The following GNAS variants were observed in gnomAD, a reference collection of about 807,000 sequenced individuals.
The protein encoded by GNAS is GNAS complex locus, also known as protein ALEX.
GNAS carries 8 observed loss-of-function variants against 54.5 expected under a neutral mutation model. The ratio of observed to expected loss-of-function variants is 0.15; its 90% CI spans 0.09 to 0.26. The LOEUF is 0.26. Ranked by LOEUF, GNAS falls within the 10% of genes least tolerant of loss-of-function variation. The probability of loss-of-function intolerance (pLI) is 1.00; values close to 1 mark genes in which losing one functional copy is unlikely to be tolerated. For missense variants in GNAS, 170 were observed against 529.8 expected (o/e 0.32, Z 6.67); for synonymous variants, 204 against 191.4 (o/e 1.07, Z -0.54).
chr20:58,909,900 T>C lies in GNAS; in HGVS notation c.840-51T>C. On this transcript the variant is annotated intron_variant, in intron 10 of 12. Coordinates refer to ENST00000371085, the MANE Select transcript of GNAS (RefSeq NM_000516.7). The surrounding 1 kb of genome is among the most constrained non-coding windows in gnomAD (Gnocchi z 7.3). ...ACCCCGTGCAAGCATTCCAGACCCC[T>C]GGCCGAAAGCGCGCTTCTCCCAAGC... The C allele has an allele frequency of 6.2e-7, 1 of 1,613,572 alleles. No individual in the cohort carries two copies. Among genetic ancestry groups the C allele is most frequent in the South Asian group, 1.1e-5 (1 of 91,060 alleles).
chr20:58,879,002 C>T (rs2088036240), intron 1 of GNAS, among the ~76,000 whole-genome samples: 1 of 152,036 alleles, frequency 6.6e-6, no homozygotes, highest in Non-Finnish European at 1.5e-5. Context: ...TTTTCAGCAT[C>T]AGAATAAGTA....
intron 1 of GNAS, chr20:58,882,944 G>C (rs985997401): frequency 6.6e-6 from 1 of 151,948 alleles, no homozygotes; most frequent in African/African-American, 2.4e-5. Context: ...TGCTTCCTAC[G>C]ATCAGCAGCT....
At chr20:58,886,677 C>T (rs978682327), upstream of GNAS, among the ~76,000 whole-genome samples, 6 of 151,956 alleles carry the variant, frequency 3.9e-5, no homozygotes, top group Non-Finnish European at 8.8e-5. Flanking sequence ...AAAATCACAA[C>T]TTTTAGGGCC....
At chr20:58,889,435 AG>A (rs1234815250), upstream of GNAS, 4 of 913,412 alleles carry the variant, frequency 4.4e-6, no homozygotes, top group Non-Finnish European at 5.2e-6. Flanking sequence ...GGGACAAGGC[AG>A]GGGCGCCCGG....
rs2087628655 is a variant in GNAS, at chr20:58,873,967, G to A, written c.44-21645G>A. 6.6e-6 allele frequency among the ~76,000 whole-genome samples: 1 copy of A among 152,226 alleles called. No homozygotes were observed. Among genetic ancestry groups the A allele is most frequent in the Non-Finnish European group, 1.5e-5 (1 of 68,042 alleles). ...ACCAAATCAGAGGTTACCTAAAAGT[G>A]TCATGAGTGCTGATAATTAAACTGC... On this transcript the variant is annotated intron_variant, in intron 1 of 12. Transcript: ENST00000306090. The surrounding 1 kb of genome is among the most constrained non-coding windows in gnomAD (Gnocchi z 4.3).
rs1397755931 is a variant in GNAS at position 58,841,219 on chromosome 20, T to C, written c.43+333T>C. On this transcript the variant is annotated intron_variant, in intron 1 of 12. Transcript: ENST00000306090. This position sits in a 1 kb window ranked among gnomAD's most constrained non-coding sequence, Gnocchi z 5.0. Reference sequence around the variant, plus strand: ...TTTGGAGCTGCACACCCAAACGGCATTGGTAAGTCACTTGTTTTGCGCGCT... The same window carrying C: ...TTTGGAGCTGCACACCCAAACGGCACTGGTAAGTCACTTGTTTTGCGCGCT... 8.6e-6 allele frequency: 6 copies of C among 700,490 alleles called. No homozygotes were observed. The highest frequency in any genetic ancestry group is 5.8e-4 in the Middle Eastern group (1 of 1,736). 43.4% of individuals were successfully genotyped at this position (700,490 alleles called of 1,614,324 possible). A position where few individuals can be genotyped will look rare whatever the true frequency, so the allele number is the denominator to read the frequency against.
At chr20:58,871,683 A>G (rs1379053571) in intron 1 of GNAS, among the ~76,000 whole-genome samples, 1 of 149,640 alleles carries the variant, frequency 6.7e-6, no homozygotes, top group Admixed American at 6.7e-5. Context: ...GGAGGAAAAA[A>G]GAGGGAAAGG....
At chr20:58,860,677 T>G (rs1453502636) in intron 1 of GNAS, among the ~76,000 whole-genome samples, 1 of 152,114 alleles carries the variant, frequency 6.6e-6, no homozygotes, top group Non-Finnish European at 1.5e-5. Flanking sequence ...TGTTGTTGTT[T>G]TTAAGATGGA....
In GNAS at chr20:58,909,975, C is replaced by T. The variant is rs1348187982; in HGVS notation, c.864C>T (p.Ile288=). Residue 288 remains isoleucine, a synonymous_variant, in exon 11 of 13, where the codon ATC becomes ATT. Coordinates refer to ENST00000371085, the MANE Select transcript of GNAS (RefSeq NM_000516.7). This position sits in a 1 kb window ranked among gnomAD's most constrained non-coding sequence, Gnocchi z 7.3. Reference sequence around the variant, plus strand: ...GATGGCTGCGCACCATCTCTGTGATCCTGTTCCTCAACAAGCAAGATCTGC... The same window carrying T: ...GATGGCTGCGCACCATCTCTGTGATTCTGTTCCTCAACAAGCAAGATCTGC... ...NNRWLRTISV[I]LFLNKQDLLA... The T allele has an allele frequency of 2.5e-6, 4 of 1,613,766 alleles. No homozygotes were observed. The African/African-American group carries it at 5.3e-5, about 22-fold the overall frequency.
chr20:58,889,223 C>T (rs1454044023), upstream of GNAS: 21 of 1,078,538 alleles, frequency 1.9e-5, no homozygotes, highest in Non-Finnish European at 2.0e-5. Flanking sequence ...GGTGGCTGGC[C>T]GGCGCGGCGC....
chr20:58,891,240 AGCC>A (rs530801993), upstream of GNAS: 36 of 141,736 alleles, frequency 2.5e-4, no homozygotes, highest in Middle Eastern at 0.012. Context: ...CCGCCCTCCC[AGCC>A]GCCGCCGCCG....
intron 2 of GNAS, chr20:58,897,783 TAC>T (rs2090204549): frequency 1.3e-5 from 2 of 152,216 alleles, no homozygotes; most frequent in Non-Finnish European, 2.9e-5. Context: ...GGAGCCTAGA[TAC>T]CTTATTTTTA....
chr20:58,847,564 C>G (rs2145514368), intron 1 of GNAS, among the ~76,000 whole-genome samples: 1 of 152,350 alleles, frequency 6.6e-6, no homozygotes, highest in Admixed American at 6.5e-5. Flanking sequence ...TCTACCTTCT[C>G]TTTCTGCTTT....
intron 1 of GNAS, among the ~76,000 whole-genome samples, chr20:58,861,235 G>A (rs2086767788): frequency 6.6e-6 from 1 of 152,080 alleles, no homozygotes; most frequent in African/African-American, 2.4e-5. Context: ...ACCCACTCAC[G>A]CCATTTGCCC....
At chr20:58,851,011 C>A (rs932138053) in intron 1 of GNAS, 2 of 398,126 alleles carry the variant, frequency 5.0e-6, no homozygotes, top group Non-Finnish European at 8.8e-6. Context: ...GCGCTGGGGT[C>A]GGAGGGGAGT....
chr20:58,886,437 C>T (rs1048835283), upstream of GNAS, among the ~76,000 whole-genome samples: 1 of 152,112 alleles, frequency 6.6e-6, no homozygotes, highest in Non-Finnish European at 1.5e-5. Flanking sequence ...ATATTCTGCC[C>T]TTTGTCCCTC....
At chr20:58,902,625 CTTATTTGA>C (rs1038703465) in intron 3 of GNAS, among the ~76,000 whole-genome samples, 1 of 147,916 alleles carries the variant, frequency 6.8e-6, no homozygotes, top group African/African-American at 2.5e-5. Context: ...GGGGTGGAAT[CTTATTTGA>C]TTCCTATTGC....
chr20:58,852,016 C>T (rs1237952773), intron 1 of GNAS, among the ~76,000 whole-genome samples: 1 of 152,166 alleles, frequency 6.6e-6, no homozygotes, highest in Non-Finnish European at 1.5e-5. Flanking sequence ...ACCAAAATCC[C>T]CTTTAACCCT....
chr20:58,892,691 G>A (rs2145943416), intron 1 of GNAS, among the ~76,000 whole-genome samples: 1 of 152,230 alleles, frequency 6.6e-6, no homozygotes, highest in Non-Finnish European at 1.5e-5. Context: ...GCCGTGGAAG[G>A]AGGAGAAGGA....
Sources: gnomAD v4.1 joint callset for allele counts (sites outside exome capture counted in the v4.1 genomes callset) on GRCh38, gnomAD v4.1.1 for gene constraint, Gnocchi (gnomAD v3.1) non-coding constraint, MANE v1.5 for transcripts, NCBI Gene and HGNC (gene_info 2026-07-23, HGNC 2026-07-21) for gene names.